The following DCDC2 variants were observed in gnomAD, a reference collection of about 807,000 sequenced individuals.
The protein encoded by DCDC2 is doublecortin domain-containing protein 2.
A neutral mutation model predicts 50.2 loss-of-function variants in DCDC2; 40 were observed. The ratio of observed to expected loss-of-function variants is 0.80; its 90% CI spans 0.62 to 1.04. DCDC2 has a LOEUF of 1.04. Among genes scored for constraint, DCDC2 ranks in the 50% least tolerant of loss-of-function variants. DCDC2 has a pLI of 0.00. For synonymous variants in DCDC2, 234 were observed against 210.6 expected, an observed-to-expected ratio of 1.11 and a Z score of -0.96; for missense variants, 570 against 581.9, an observed-to-expected ratio of 0.98 and a Z score of 0.21.
At chr6:24,275,037 A>T (rs1561753842) in intron 7 of DCDC2, among the ~76,000 whole-genome samples, 3 of 151,908 alleles carry the variant, frequency 2.0e-5, no homozygotes, top group Admixed American at 1.3e-4. Context: ...AAATTTTTGC[A>T]TTTTTTTACA....
chr6:24,205,599 G>A lies in DCDC2; in HGVS notation c.923-497C>T, dbSNP rs73726618. Among the ~76,000 whole-genome samples, 439 of 152,148 alleles carry A rather than the reference G, an allele frequency of 2.9e-3. 3 individuals are homozygous for A. Among genetic ancestry groups the A allele is most frequent in the Middle Eastern group, 0.01 (3 of 294 alleles). On this transcript the variant is annotated intron_variant, in intron 7 of 9. Coordinates refer to ENST00000378454, the MANE Select transcript of DCDC2 (RefSeq NM_016356.5). ...GTTTTTACTGCAGCCAAATCATAGA[G>A]TTGACTTTCCATATCTCACCAAAAA...
chr6:24,286,508 G>A (rs542656330), intron 6 of DCDC2, among the ~76,000 whole-genome samples: 3 of 151,506 alleles, frequency 2.0e-5, no homozygotes, highest in African/African-American at 4.8e-5. Flanking sequence ...TGAGAGGATC[G>A]CTTGAGCCTG....
At chr6:24,340,171 A>C (rs909544061) in intron 2 of DCDC2, among the ~76,000 whole-genome samples, 1 of 152,056 alleles carries the variant, frequency 6.6e-6, no homozygotes, top group Non-Finnish European at 1.5e-5. Context: ...TTTGCCTGCA[A>C]TGCTCTTCCT....
At chr6:24,291,887 C>G (rs1676782102) in intron 4 of DCDC2, among the ~76,000 whole-genome samples, 1 of 152,182 alleles carries the variant, frequency 6.6e-6, no homozygotes, top group African/African-American at 2.4e-5. Flanking sequence ...ATATTACATA[C>G]AAACACACAG....
chr6:24,278,290 T>G (rs1414099386), intron 6 of DCDC2, 79 bp from the exon 7 acceptor site: 13 of 1,357,504 alleles, frequency 9.6e-6, no homozygotes, highest in Admixed American at 2.2e-5. Flanking sequence ...TGTCATTAAC[T>G]ACTGGTAAGC....
chr6:24,379,069 G>C, the DCDC2 span, among the ~76,000 whole-genome samples: 1 of 151,626 alleles, frequency 6.6e-6, no homozygotes, highest in African/African-American at 2.4e-5. Flanking sequence ...AGACTTAAAG[G>C]TAAGATCTAA....
At chr6:24,216,117 G>A (rs1212789166) in intron 7 of DCDC2, among the ~76,000 whole-genome samples, 1 of 152,134 alleles carries the variant, frequency 6.6e-6, no homozygotes, top group Non-Finnish European at 1.5e-5. Flanking sequence ...TCCAGCAAGT[G>A]GCTAGAAATG....
intron 6 of DCDC2, among the ~76,000 whole-genome samples, chr6:24,284,356 CCAA>C (rs993409906): frequency 6.6e-6 from 1 of 151,996 alleles, no homozygotes; most frequent in African/African-American, 2.4e-5. Context: ...GCCTCTCATC[CCAA>C]CACTTTGAGA....
chr6:24,302,030 G>A lies in DCDC2; in HGVS notation c.363C>T (p.Ile121=). The A allele has an allele frequency of 6.2e-7, 1 of 1,613,426 alleles. No individual in the cohort carries two copies. The highest frequency in any genetic ancestry group is 1.3e-5 in the African/African-American group (1 of 74,950). The part of the protein sequence containing the change: ...EVVNTEVKPV[I]HSRINVSARF... ...GAGCTGACACGTTGATCCTGCTATG[G>A]ATTACTGGTTTTACCTTTAAAAGCA... The change falls in exon 3 of 10, where the codon ATC becomes ATT. Residue 121 remains isoleucine (I), a synonymous_variant. Transcript: ENST00000378454.
chr6:24,266,211 T>G (rs1232202321), intron 7 of DCDC2, among the ~76,000 whole-genome samples: 1 of 152,052 alleles, frequency 6.6e-6, no homozygotes, highest in Non-Finnish European at 1.5e-5. Flanking sequence ...GATTAAAGAT[T>G]TAAATTTAAA....
chr6:24,196,034 A>T (rs574438016), intron 8 of DCDC2, among the ~76,000 whole-genome samples: 3 of 152,330 alleles, frequency 2.0e-5, no homozygotes, highest in Admixed American at 6.5e-5. Flanking sequence ...TCCTTCTTCA[A>T]GGCCCTCTGA....
At chr6:24,221,277 G>A (rs563932188) in intron 7 of DCDC2, among the ~76,000 whole-genome samples, 11 of 152,048 alleles carry the variant, frequency 7.2e-5, no homozygotes, top group African/African-American at 1.7e-4. Context: ...TTAACAACAC[G>A]TCCCACAGCT....
chr6:24,205,057 C>G lies in DCDC2; in HGVS notation c.968G>C (p.Gly323Ala), dbSNP rs764260348. The G allele has an allele frequency of 3.1e-6, 5 of 1,613,978 alleles. No homozygotes were observed. Among genetic ancestry groups the G allele is most frequent in the Non-Finnish European group, 4.2e-6 (5 of 1,180,000 alleles). ...KAGAERSETR[G>A]AAEVQEDEDT... ...TTCATCTTCTTGGACTTCTGCTGCCCCCCGTGTTTCAGACCTCTCTGCTCC... is the reference window on the plus strand; with the variant it reads ...TTCATCTTCTTGGACTTCTGCTGCCGCCCGTGTTTCAGACCTCTCTGCTCC... The change falls in exon 8 of 10, where the codon GGG becomes GCG. Residue 323 changes from glycine (G) to alanine (A), a missense_variant. Gly to Ala is a moderately conservative substitution (Grantham distance 60). Transcript: ENST00000378454.
chr6:24,191,925 G>C (rs1761321528), intron 8 of DCDC2, among the ~76,000 whole-genome samples: 1 of 152,168 alleles, frequency 6.6e-6, no homozygotes, highest in Non-Finnish European at 1.5e-5. Context: ...TGCAGAAAGG[G>C]AAGCCAAGAA....
chr6:24,299,914 C>T (rs1446109501), intron 4 of DCDC2, among the ~76,000 whole-genome samples: 2 of 148,572 alleles, frequency 1.3e-5, no homozygotes, highest in African/African-American at 5.0e-5. Flanking sequence ...AGTGAAACTC[C>T]ATCTCAAAAA....
intron 2 of DCDC2, among the ~76,000 whole-genome samples, chr6:24,323,822 T>C (rs1332924165): frequency 6.6e-6 from 1 of 152,208 alleles, no homozygotes; most frequent in African/African-American, 2.4e-5. Flanking sequence ...GGTTTTGTTT[T>C]AGTTTCAAAG....
At chr6:24,228,701 A>G (rs1561898610) in intron 7 of DCDC2, among the ~76,000 whole-genome samples, 1 of 152,140 alleles carries the variant, frequency 6.6e-6, no homozygotes, top group Non-Finnish European at 1.5e-5. Flanking sequence ...AGCACTGTGT[A>G]CTAACTTCGA....
At chr6:24,241,981 G>A (rs773774703) in intron 7 of DCDC2, among the ~76,000 whole-genome samples, 2 of 152,124 alleles carry the variant, frequency 1.3e-5, no homozygotes, top group Admixed American at 6.5e-5. Flanking sequence ...AGACCAGCCT[G>A]GGCAACATAG....
At chr6:24,190,707 A>T (rs1405173712) in intron 8 of DCDC2, among the ~76,000 whole-genome samples, 1 of 152,206 alleles carries the variant, frequency 6.6e-6, no homozygotes, top group South Asian at 2.1e-4. Flanking sequence ...CCTTACTGAC[A>T]ATGCATAGAT....
Sources: gnomAD v4.1 joint callset for allele counts (sites outside exome capture counted in the v4.1 genomes callset) on GRCh38, gnomAD v4.1.1 for gene constraint, MANE v1.5 for transcripts, NCBI Gene and HGNC (gene_info 2026-07-23, HGNC 2026-07-21) for gene names.